The following CAMK4 variants were observed in gnomAD, a reference collection of about 807,000 sequenced individuals.
The protein encoded by CAMK4 is calcium/calmodulin dependent protein kinase IV, also known as calcium/calmodulin-dependent protein kinase type IV.
CAMK4 carries 22 observed loss-of-function variants against 44.9 expected under a neutral mutation model. That is an observed-to-expected ratio of 0.49 (90% CI 0.35 to 0.70). The LOEUF (loss-of-function observed/expected upper bound fraction) is 0.70, where lower values mean the gene tolerates loss of function less well. Among genes scored for constraint, CAMK4 ranks in the 30% least tolerant of loss-of-function variants. The pLI, the probability that CAMK4 is intolerant of heterozygous loss-of-function variation, is 0.01. For synonymous variants in CAMK4, 218 were observed against 215.4 expected, an observed-to-expected ratio of 1.01 and a Z score of -0.11; for missense variants, 498 against 586.8, an observed-to-expected ratio of 0.85 and a Z score of 1.56.
Position 111,487,858 on chromosome 5 carries a change from G to GA in CAMK4, c.*3395dup, listed in dbSNP as rs1397338415. 1 of 152,136 alleles carries GA rather than the reference G, an allele frequency of 6.6e-6. No individual in the cohort carries two copies. The highest frequency in any genetic ancestry group is 2.4e-5 in the African/African-American group (1 of 41,418). 9.4% of individuals were successfully genotyped at this position (152,136 alleles called of 1,614,324 possible). ...TGAGGAGCTGGTGGGAGGCCACAAA[G>GA]AAAGTGTTTCAGAAATGTTACACAC... is the stretch of plus-strand genomic sequence containing the variant. On this transcript the variant is annotated 3_prime_UTR_variant, in exon 11 of 11. Transcript: ENST00000282356.
At chr5:111,268,784 A>G (rs1250784069) in intron 1 of CAMK4, among the ~76,000 whole-genome samples, 1 of 152,238 alleles carries the variant, frequency 6.6e-6, no homozygotes, top group Non-Finnish European at 1.5e-5. Context: ...CTAACTTAGT[A>G]TTCCTTTCTA....
intron 5 of CAMK4, among the ~76,000 whole-genome samples, chr5:111,415,281 G>A (rs533950512): frequency 6.6e-6 from 1 of 152,304 alleles, no homozygotes; most frequent in Non-Finnish European, 1.5e-5. Context: ...TATCCATGCT[G>A]TATACCCTCA....
chr5:111,286,902 T>A (rs1168548637), intron 1 of CAMK4, among the ~76,000 whole-genome samples: 1 of 152,208 alleles, frequency 6.6e-6, no homozygotes, highest in African/African-American at 2.4e-5. Flanking sequence ...TTCACTGTTT[T>A]TAGACAAGTT....
At chr5:111,288,838 C>T (rs577842475) in intron 1 of CAMK4, among the ~76,000 whole-genome samples, 2 of 152,328 alleles carry the variant, frequency 1.3e-5, no homozygotes, top group East Asian at 3.9e-4. Context: ...ATAGATTACT[C>T]AGTCTCAGAA....
chr5:111,378,290 C>T (rs1751289604), intron 4 of CAMK4, among the ~76,000 whole-genome samples: 1 of 152,082 alleles, frequency 6.6e-6, no homozygotes, highest in Admixed American at 6.6e-5. Flanking sequence ...GCCTCCAGAC[C>T]TGTGAGAAAT....
intron 1 of CAMK4, among the ~76,000 whole-genome samples, chr5:111,236,000 G>T (rs1748698969): frequency 6.6e-6 from 1 of 152,190 alleles, no homozygotes; most frequent in Admixed American, 6.5e-5. Flanking sequence ...GGACACAATT[G>T]TTACTTGACG....
intron 1 of CAMK4, among the ~76,000 whole-genome samples, chr5:111,289,732 G>A (rs543470222): frequency 3.4e-4 from 51 of 152,024 alleles, no homozygotes; most frequent in African/African-American, 1.2e-3. Context: ...CTTTTTTGTT[G>A]GCCTATAACT....
intron 1 of CAMK4, among the ~76,000 whole-genome samples, chr5:111,245,913 A>C (rs1749214145): frequency 6.6e-6 from 1 of 152,234 alleles, no homozygotes; most frequent in Admixed American, 6.5e-5. Flanking sequence ...TGTTCAGCCA[A>C]AGCATGTTTC....
At chr5:111,343,181 G>A (rs1580622268) in intron 1 of CAMK4, among the ~76,000 whole-genome samples, 1 of 151,674 alleles carries the variant, frequency 6.6e-6, no homozygotes, top group East Asian at 1.9e-4. Flanking sequence ...TGTTAAAAAT[G>A]TGTTGCCTTT....
intron 1 of CAMK4, chr5:111,270,207 ACT>A (rs1031998072): frequency 1.3e-5 from 2 of 152,138 alleles, no homozygotes; most frequent in Non-Finnish European, 2.9e-5. Flanking sequence ...AAACATGTTA[ACT>A]CTGTTACAAA....
rs540093680 is a variant in CAMK4, at chr5:111,269,647, A to T, written c.161+45003A>T. On this transcript the variant is annotated intron_variant, in intron 1 of 10. Coordinates refer to ENST00000282356, the MANE Select transcript of CAMK4 (RefSeq NM_001744.6). ...TTTGCCTGCATACTCAGCTTATTTT[A>T]TCTCACATCCAGCCCTGTTAGCACC... Among the ~76,000 whole-genome samples, 9 of 152,212 alleles carry T rather than the reference A, an allele frequency of 5.9e-5. No individual in the cohort carries two copies. The South Asian group carries it at 1.7e-3, about 28-fold the overall frequency.
intron 4 of CAMK4, among the ~76,000 whole-genome samples, chr5:111,385,605 C>T (rs1751571502): frequency 6.6e-6 from 1 of 151,702 alleles, no homozygotes; most frequent in Non-Finnish European, 1.5e-5. Flanking sequence ...ACAGAGTCTC[C>T]CTCTGTCGCC....
chr5:111,456,848 T>C (rs1319692883), intron 7 of CAMK4, among the ~76,000 whole-genome samples: 1 of 152,222 alleles, frequency 6.6e-6, no homozygotes, highest in Non-Finnish European at 1.5e-5. Flanking sequence ...TTAAAATTAT[T>C]ATTCCAAAAT....
At chr5:111,279,850 G>C (rs574336561) in intron 1 of CAMK4, among the ~76,000 whole-genome samples, 56 of 152,288 alleles carry the variant, frequency 3.7e-4, no homozygotes, top group African/African-American at 1.3e-3. Flanking sequence ...TTGATGCTTA[G>C]TTAGGCAATC....
intron 5 of CAMK4, among the ~76,000 whole-genome samples, chr5:111,420,193 C>T (rs1752972605): frequency 1.3e-5 from 2 of 151,830 alleles, no homozygotes; most frequent in Middle Eastern, 3.4e-3. Context: ...GTATTTTATT[C>T]TCTTTGAAGC....
chr5:111,301,517 A>C (rs998486912), intron 1 of CAMK4, among the ~76,000 whole-genome samples: 7 of 152,250 alleles, frequency 4.6e-5, no homozygotes, highest in African/African-American at 1.7e-4. Flanking sequence ...TGAATCCTTC[A>C]TTGCATCAGA....
intron 5 of CAMK4, among the ~76,000 whole-genome samples, chr5:111,399,017 A>G (rs558635127): frequency 6.6e-6 from 1 of 152,174 alleles, no homozygotes; most frequent in African/African-American, 2.4e-5. Context: ...TTAGCCAGTT[A>G]TTATTTAAAT....
intron 1 of CAMK4, among the ~76,000 whole-genome samples, chr5:111,252,232 C>T (rs1023100054): frequency 2.0e-5 from 3 of 152,192 alleles, no homozygotes; most frequent in African/African-American, 7.2e-5. Flanking sequence ...CTTGTCTTGG[C>T]TTCTTCAGCT....
At chr5:111,411,789 A>C (rs1297561847) in intron 5 of CAMK4, among the ~76,000 whole-genome samples, 3 of 152,240 alleles carry the variant, frequency 2.0e-5, no homozygotes, top group African/African-American at 7.2e-5. Flanking sequence ...GGTAAAGAGG[A>C]ATAAAAAATA....
Sources: allele counts gnomAD v4.1 joint callset (sites outside exome capture counted in the v4.1 genomes callset), GRCh38; gene constraint gnomAD v4.1.1; transcripts MANE v1.5; gene names NCBI Gene and HGNC (gene_info 2026-07-23, HGNC 2026-07-21).